KIF26B: variants seen among roughly 807,000 people sequenced by gnomAD.
KIF26B encodes kinesin-like protein KIF26B.
KIF26B carries 63 observed loss-of-function variants against 151.2 expected under a neutral mutation model. The ratio of observed to expected loss-of-function variants is 0.42; its 90% confidence interval spans 0.34 to 0.51. The LOEUF (loss-of-function observed/expected upper bound fraction) is 0.51. KIF26B is among the 20% of genes least tolerant of loss of function. KIF26B has a pLI of 0.07. For missense variants in KIF26B, 2,813 were observed against 2,913.6 expected, an observed-to-expected ratio of 0.97 and a Z score of 0.79; for synonymous variants, 1,357 against 1,262.1, an observed-to-expected ratio of 1.08 and a Z score of -1.59.
intron 2 of KIF26B, among the ~76,000 whole-genome samples, chr1:245,259,124 T>A (rs1670589190): frequency 6.6e-6 from 1 of 152,220 alleles, no homozygotes; most frequent in African/African-American, 2.4e-5. Context: ...CTGGCTGCAT[T>A]CTGCTTATCA....
intron 12 of KIF26B, among the ~76,000 whole-genome samples, chr1:245,696,864 C>T (rs1330692498): frequency 2.0e-5 from 3 of 152,172 alleles, no homozygotes; most frequent in Non-Finnish European, 1.5e-5. Flanking sequence ...AATCCCAACA[C>T]TTTGGGAGGC....
rs2042980391 is a variant in KIF26B at position 245,563,939 on chromosome 1, A to G, written c.1350+22989A>G. ...TTTTTCTCTCCCTGTCCGTGCATCCATCTGTTTCTGCACTCTCTTCGGTGC... is the reference window on the plus strand; with the variant it reads ...TTTTTCTCTCCCTGTCCGTGCATCCGTCTGTTTCTGCACTCTCTTCGGTGC... On this transcript the variant is annotated intron_variant, in intron 5 of 14. Transcript: ENST00000407071. The surrounding 1 kb of genome is among the most constrained non-coding windows in gnomAD (Gnocchi z 4.6). 6.6e-6 allele frequency among the ~76,000 whole-genome samples: 1 copy of G among 151,986 alleles called. No homozygotes were observed. Among genetic ancestry groups the G allele is most frequent in the Admixed American group, 6.6e-5 (1 of 15,266 alleles).
chr1:245,488,048 A>G lies in KIF26B; in HGVS notation c.1167-52719A>G, dbSNP rs1654576253. Among the ~76,000 whole-genome samples the G allele has an allele frequency of 6.6e-6, 1 of 152,200 alleles. No homozygotes were observed. Among genetic ancestry groups the G allele is most frequent in the Non-Finnish European group, 1.5e-5 (1 of 68,010 alleles). On this transcript the variant is annotated intron_variant, in intron 4 of 14. Coordinates refer to ENST00000407071, the MANE Select transcript of KIF26B (RefSeq NM_018012.4). The surrounding 1 kb of genome is among the most constrained non-coding windows in gnomAD (Gnocchi z 4.6). ...GGTGATCCACCCACCTCAGCCTGCC[A>G]AAGTGCTGGGATTACAGGCATGAGC...
chr1:245,211,455 G>A (rs958568748), intron 2 of KIF26B, among the ~76,000 whole-genome samples: 4 of 151,904 alleles, frequency 2.6e-5, no homozygotes, highest in African/African-American at 4.8e-5. Context: ...GCTGGAGTGC[G>A]GTGGCCCAAT....
At chr1:245,590,905 C>CAAAAAA (rs1397008835) in intron 5 of KIF26B, among the ~76,000 whole-genome samples, 2 of 93,866 alleles carry the variant, frequency 2.1e-5, no homozygotes, top group African/African-American at 4.2e-5. Flanking sequence ...GATCCTGTCT[C>CAAAAAA]AAAAAAAAGA....
chr1:245,197,024 G>A (rs993457780), intron 2 of KIF26B, among the ~76,000 whole-genome samples: 1 of 152,206 alleles, frequency 6.6e-6, no homozygotes, highest in Admixed American at 6.5e-5. Flanking sequence ...TTCCGCATTT[G>A]GAGATGTTGG....
intron 14 of KIF26B, among the ~76,000 whole-genome samples, chr1:245,699,305 T>C (rs2044737384): frequency 6.6e-6 from 1 of 152,148 alleles, no homozygotes; most frequent in South Asian, 2.1e-4. Flanking sequence ...AATGAGATTT[T>C]TCCCCCTGCG....
At chr1:245,283,255 C>A (rs1671096814) in intron 2 of KIF26B, among the ~76,000 whole-genome samples, 1 of 151,670 alleles carries the variant, frequency 6.6e-6, no homozygotes, top group African/African-American at 2.4e-5. Flanking sequence ...CAAGCCCACC[C>A]ACCGCGAGCC....
intron 10 of KIF26B, among the ~76,000 whole-genome samples, chr1:245,675,289 T>C (rs1246228137): frequency 1.3e-5 from 2 of 152,176 alleles, no homozygotes; most frequent in African/African-American, 4.8e-5. Flanking sequence ...GATTGATTGA[T>C]TGATTTCCCA....
At chr1:245,504,214 C>A (rs1352589334) in intron 4 of KIF26B, among the ~76,000 whole-genome samples, 1 of 152,096 alleles carries the variant, frequency 6.6e-6, no homozygotes, top group Non-Finnish European at 1.5e-5. Flanking sequence ...TCCATCTCCC[C>A]AGGGCCCAGA....
chr1:245,577,932 G>A (rs893060950), intron 5 of KIF26B, among the ~76,000 whole-genome samples: 1 of 150,036 alleles, frequency 6.7e-6, no homozygotes, highest in African/African-American at 2.5e-5. Context: ...GAGCTTTCTG[G>A]AACTCGGCAA....
chr1:245,493,432 C>T (rs191335913), intron 4 of KIF26B, among the ~76,000 whole-genome samples: 101 of 152,328 alleles, frequency 6.6e-4, no homozygotes, highest in Middle Eastern at 3.4e-3. Flanking sequence ...TTGAACATAA[C>T]CATTTTCACC....
Position 245,702,464 on chromosome 1 carries a change from T to C in KIF26B, c.6185T>C (p.Leu2062Ser). Reference sequence around the variant, plus strand: ...GGCTCTTCCTCTCTTGCAGTTGACTTGGAGCAGGTTTGGGAGCTGGATTCC... The same window carrying C: ...GGCTCTTCCTCTCTTGCAGTTGACTCGGAGCAGGTTTGGGAGCTGGATTCC... ...DPNKWLSEFD[L>S]EQVWELDSLE... Residue 2062 changes from leucine (L) to serine (S), a missense_variant, in exon 15 of 15, where the codon TTG (leucine) becomes TCG (serine). Leu to Ser is a moderately radical substitution (Grantham distance 145). Transcript: ENST00000407071. This position sits in a 1 kb window ranked among gnomAD's most constrained non-coding sequence, Gnocchi z 4.1. 6.2e-7 allele frequency: 1 copy of C among 1,613,888 alleles called. No homozygotes were observed. Among genetic ancestry groups the C allele is most frequent in the Non-Finnish European group, 8.5e-7 (1 of 1,179,860 alleles).
At chr1:245,374,921 A>C (rs1223522167) in intron 3 of KIF26B, among the ~76,000 whole-genome samples, 1 of 152,202 alleles carries the variant, frequency 6.6e-6, no homozygotes, top group East Asian at 1.9e-4. Context: ...CTTCAAAAAT[A>C]CGTTCAATCT....
intron 4 of KIF26B, among the ~76,000 whole-genome samples, chr1:245,420,553 A>G (rs2103036531): frequency 6.6e-6 from 1 of 152,324 alleles, no homozygotes; most frequent in East Asian, 1.9e-4. Context: ...AACCTTGGAA[A>G]ACTTTCTCTG....
In KIF26B at chr1:245,296,762, G is replaced by A. The variant is rs914866362; in HGVS notation, c.466-70072G>A. 3.3e-5 allele frequency among the ~76,000 whole-genome samples: 5 copies of A among 152,212 alleles called. No individual in the cohort carries two copies. In the South Asian group the frequency reaches 6.2e-4, roughly 19 times the overall value. On this transcript the variant is annotated intron_variant, in intron 2 of 14. Coordinates refer to ENST00000407071, the MANE Select transcript of KIF26B (RefSeq NM_018012.4). ...CTCTGCTCCCTGCTGATTCATGCCC[G>A]CCATTTTCCTAGGGAGCTCAGTCAA...
intron 10 of KIF26B, among the ~76,000 whole-genome samples, chr1:245,665,084 T>G (rs2044198872): frequency 6.6e-6 from 1 of 152,262 alleles, no homozygotes; most frequent in Non-Finnish European, 1.5e-5. Flanking sequence ...TTTCAAAGGA[T>G]CTTCCCACAA....
At chr1:245,425,416 G>GT (rs1047901440) in intron 4 of KIF26B, among the ~76,000 whole-genome samples, 6 of 151,848 alleles carry the variant, frequency 4.0e-5, no homozygotes, top group East Asian at 1.9e-4. Context: ...TTTTGTTTTT[G>GT]TTTTTTTTGA....
intron 2 of KIF26B, among the ~76,000 whole-genome samples, chr1:245,292,846 T>G (rs889722196): frequency 2.6e-5 from 4 of 152,162 alleles, no homozygotes; most frequent in African/African-American, 9.7e-5. Flanking sequence ...ACAACACAGC[T>G]TCCTCCTAAT....
Sources: allele counts gnomAD v4.1 joint callset (sites outside exome capture counted in the v4.1 genomes callset), GRCh38; gene constraint gnomAD v4.1.1; non-coding constraint Gnocchi (gnomAD v3.1); transcripts MANE v1.5; gene names NCBI Gene and HGNC (gene_info 2026-07-23, HGNC 2026-07-21).